Variants in NRG2 observed in about 807,000 individuals in gnomAD.
The protein encoded by NRG2 is pro-neuregulin-2, membrane-bound isoform.
NRG2 carries 27 observed loss-of-function variants against 73.9 expected under a neutral mutation model. That is an observed-to-expected ratio of 0.37 (90% CI 0.27 to 0.50). NRG2 has a LOEUF of 0.50. Among genes scored for constraint, NRG2 ranks in the 20% least tolerant of loss-of-function variants. The pLI, the probability that NRG2 is intolerant of heterozygous loss-of-function variation, is 0.96. For missense variants in NRG2, 1,126 were observed against 1,210.1 expected (o/e 0.93, Z 1.03); for synonymous variants, 532 against 541.0 (o/e 0.98, Z 0.23).
intron 1 of NRG2, among the ~76,000 whole-genome samples, chr5:140,037,816 G>A (rs919776574): frequency 6.7e-6 from 1 of 148,428 alleles, no homozygotes; most frequent in Non-Finnish European, 1.5e-5. Flanking sequence ...GCTGAGGCAG[G>A]AGAATTGCTT....
intron 1 of NRG2, among the ~76,000 whole-genome samples, chr5:140,019,201 C>T (rs1760024148): frequency 6.6e-6 from 1 of 152,170 alleles, no homozygotes; most frequent in Admixed American, 6.5e-5. Context: ...TTCTAGGGCA[C>T]CAAGCAGCAT....
rs1762047024 is a variant in NRG2, at chr5:140,042,838, C to A, written c.232G>T (p.Ala78Ser). 1 of 1,472,062 alleles carries A rather than the reference C, an allele frequency of 6.8e-7. No individual in the cohort carries two copies. Among genetic ancestry groups the A allele is most frequent in the African/African-American group, 1.5e-5 (1 of 68,498 alleles). 91.2% of individuals were successfully genotyped at this position (1,472,062 alleles called of 1,614,324 possible). A position where few individuals can be genotyped will look rare whatever the true frequency, so the allele number is the denominator to read the frequency against. The change falls in exon 1 of 10, where the codon GCC becomes TCC. Residue 78 changes from alanine (A) to serine (S), a missense_variant. This residue lies in a region of NRG2 where 185 missense variants were observed against 149.0 expected (regional missense o/e 1.24). Transcript: ENST00000361474. ...QQQPQPRSPA[A>S]RRAAARSRAA... Reference sequence around the variant, plus strand: ...CGCGAACGGGCGGCGGCTCTCCGGGCTGCGGGGCTGCGGGGCTGCGGCTGT... The same window carrying A: ...CGCGAACGGGCGGCGGCTCTCCGGGATGCGGGGCTGCGGGGCTGCGGCTGT...
intron 1 of NRG2, among the ~76,000 whole-genome samples, chr5:140,027,680 T>C (rs1292387402): frequency 6.6e-6 from 1 of 152,226 alleles, no homozygotes; most frequent in African/African-American, 2.4e-5. Flanking sequence ...TTATCATATG[T>C]ATGTATGTGT....
intron 5 of NRG2, among the ~76,000 whole-genome samples, chr5:139,863,077 A>C (rs894223055): frequency 3.9e-5 from 6 of 152,214 alleles, no homozygotes; most frequent in Non-Finnish European, 8.8e-5. Context: ...CTCCAATCAC[A>C]ATGGCAGGCT....
chr5:139,911,824 A>C (rs1750848140), intron 1 of NRG2, among the ~76,000 whole-genome samples: 1 of 152,196 alleles, frequency 6.6e-6, no homozygotes, highest in Admixed American at 6.5e-5. Flanking sequence ...ACATAATTGC[A>C]CAGCAATAAT....
chr5:139,931,150 A>G (rs988550921), intron 1 of NRG2, among the ~76,000 whole-genome samples: 25 of 152,214 alleles, frequency 1.6e-4, no homozygotes, highest in African/African-American at 5.5e-4. Context: ...TGTTCTGAAG[A>G]CTAAATGAAA....
At position 139,980,504 on chromosome 5, in the gene NRG2, G is replaced by A. The variant is rs116023900; in HGVS notation, c.700+61866C>T. ...CTCTTAGCCCAAGTCTGCTTTCAGC[G>A]TGTACCCTCCAAGACAGACACACCA... is the stretch of plus-strand genomic sequence containing the variant. On this transcript the variant is annotated intron_variant, in intron 1 of 9. Transcript: ENST00000361474. 1.2e-4 allele frequency among the ~76,000 whole-genome samples: 18 copies of A among 152,264 alleles called. 1 individual carries two copies. The highest frequency in any genetic ancestry group is 2.9e-4 in the African/African-American group (12 of 41,536).
At position 139,894,721 on chromosome 5, in the gene NRG2, A is replaced by G. The variant is rs879643133; in HGVS notation, c.701-7210T>C. Among the ~76,000 whole-genome samples the G allele has an allele frequency of 3.3e-5, 5 of 152,180 alleles. No individual in the cohort carries two copies. Among genetic ancestry groups the G allele is most frequent in the Non-Finnish European group, 5.9e-5 (4 of 68,018 alleles). The stretch of plus-strand genomic sequence containing the variant: ...CAAATACCCACATGCAACAGTCCCT[A>G]TGATGTACGAGGCACTTACCAGTCA... On this transcript the variant is annotated intron_variant, in intron 1 of 9. Coordinates refer to ENST00000361474, the MANE Select transcript of NRG2 (RefSeq NM_004883.3). This position sits in a 1 kb window ranked among gnomAD's most constrained non-coding sequence, Gnocchi z 5.0.
At chr5:139,944,129 A>G (rs1367488930) in intron 1 of NRG2, among the ~76,000 whole-genome samples, 2 of 152,186 alleles carry the variant, frequency 1.3e-5, no homozygotes, top group Admixed American at 1.3e-4. Flanking sequence ...GAAGAAGCAA[A>G]AGTATCTCAA....
At chr5:139,903,498 G>C (rs954957335) in intron 1 of NRG2, among the ~76,000 whole-genome samples, 1 of 152,190 alleles carries the variant, frequency 6.6e-6, no homozygotes, top group Non-Finnish European at 1.5e-5. Flanking sequence ...TTGGGCCCCA[G>C]TGCAAGCCTG....
intron 3 of NRG2, among the ~76,000 whole-genome samples, chr5:139,876,967 A>G (rs986826121): frequency 7.1e-6 from 1 of 140,326 alleles, no homozygotes; most frequent in African/African-American, 2.8e-5. Flanking sequence ...GTGTGTGTTT[A>G]AACAGCCAGC....
At position 139,950,236 on chromosome 5, in the gene NRG2, C is replaced by T. The variant is rs115488388; in HGVS notation, c.701-62725G>A. On this transcript the variant is annotated intron_variant, in intron 1 of 9. Transcript: ENST00000361474. ...AAACTCCCAATGCCAGGGACACAGA[C>T]GATTAATGCTGGCCCCCTCCATGAT... Among the ~76,000 whole-genome samples the T allele has an allele frequency of 1.8e-3, 277 of 152,284 alleles. 1 individual carries two copies. The highest frequency in any genetic ancestry group is 2.7e-3 in the Non-Finnish European group (186 of 68,022).
chr5:140,028,170 A>G (rs2083541938), intron 1 of NRG2, among the ~76,000 whole-genome samples: 1 of 152,218 alleles, frequency 6.6e-6, no homozygotes, highest in South Asian at 2.1e-4. Context: ...AATTTCAATA[A>G]GGTCTATAGA....
intron 1 of NRG2, among the ~76,000 whole-genome samples, chr5:139,961,332 A>G (rs182077428): frequency 6.8e-4 from 103 of 151,900 alleles, no homozygotes; most frequent in African/African-American, 2.5e-3. Context: ...TGTCTCTCTG[A>G]GAATTTCAGT....
intron 2 of NRG2, among the ~76,000 whole-genome samples, chr5:139,885,922 C>T (rs1215835632): frequency 6.6e-6 from 1 of 152,004 alleles, no homozygotes; most frequent in Admixed American, 6.5e-5. Context: ...ACCCAACTGC[C>T]CCAGCTCCAA....
intron 1 of NRG2, among the ~76,000 whole-genome samples, chr5:139,938,362 C>CTT (rs35461631): frequency 9.8e-4 from 144 of 146,636 alleles, no homozygotes; most frequent in African/African-American, 2.8e-3. Context: ...GATTTCAATA[C>CTT]TTTTTTTTTT....
At chr5:139,860,564 G>A (rs1229364589) in intron 5 of NRG2, among the ~76,000 whole-genome samples, 2 of 152,116 alleles carry the variant, frequency 1.3e-5, no homozygotes, top group Non-Finnish European at 1.5e-5. Context: ...ACTTGACACC[G>A]CAACACCCTA....
At chr5:140,029,687 C>CAAAAAAAAAAAAAAAAAAAAAAAAAAAAA (rs34122778) in intron 1 of NRG2, among the ~76,000 whole-genome samples, 12 of 61,294 alleles carry the variant, frequency 2.0e-4, no homozygotes, top group Non-Finnish European at 3.2e-4. Context: ...GACTCTGTCT[C>CAAAAAAAAAAAAAAAAAAAAAAAAAAAAA]AAAAAAAAAA....
At chr5:139,996,760 C>T (rs1317058833) in intron 1 of NRG2, among the ~76,000 whole-genome samples, 1 of 152,202 alleles carries the variant, frequency 6.6e-6, no homozygotes, top group African/African-American at 2.4e-5. Context: ...GCAGAGATCC[C>T]ATCAATTACC....
Sources: allele counts gnomAD v4.1 joint callset (sites outside exome capture counted in the v4.1 genomes callset), GRCh38; gene constraint gnomAD v4.1.1; regional missense constraint gnomAD v4.1.1; non-coding constraint Gnocchi (gnomAD v3.1); transcripts MANE v1.5; gene names NCBI Gene and HGNC (gene_info 2026-07-23, HGNC 2026-07-21).